The following WWC1 variants were observed in gnomAD, a reference collection of about 807,000 sequenced individuals.
WWC1 encodes WW and C2 domain containing 1, also known as protein KIBRA.
WWC1 carries 55 observed loss-of-function variants against 138.4 expected under a neutral mutation model. The observed-to-expected ratio is 0.40, with a 90% CI of 0.32 to 0.50. WWC1 has a LOEUF of 0.50. WWC1 is among the 20% of genes least tolerant of loss of function. The pLI is 0.72. For synonymous variants in WWC1, 524 were observed against 564.9 expected, an observed-to-expected ratio of 0.93 and a Z score of 1.03; for missense variants, 1,226 against 1,420.4, an observed-to-expected ratio of 0.86 and a Z score of 2.20.
intron 2 of WWC1, among the ~76,000 whole-genome samples, chr5:168,384,195 T>A (rs535950718): frequency 3.3e-5 from 5 of 152,194 alleles, no homozygotes; most frequent in Non-Finnish European, 7.3e-5. Flanking sequence ...GCAAGTTACT[T>A]AACCTCTCTA....
In WWC1 at chr5:168,343,971, C is replaced by T. The variant is rs781241636; in HGVS notation, c.120-27453C>T. Among the ~76,000 whole-genome samples, 7 of 152,134 alleles carry T rather than the reference C, an allele frequency of 4.6e-5. No homozygotes were observed. The East Asian group carries it at 5.8e-4, about 13-fold the overall frequency. On this transcript the variant is annotated intron_variant, in intron 1 of 22. Transcript: ENST00000265293. ...CTTAATAATTCACGTGCTTCCCCCT[C>T]GGCTCAGTTACACATTGGAGAACAC...
At chr5:168,442,811 C>G (rs182448100) in intron 16 of WWC1, among the ~76,000 whole-genome samples, 76 of 146,932 alleles carry the variant, frequency 5.2e-4, no homozygotes, top group African/African-American at 1.8e-3. Flanking sequence ...CACTCCAGCC[C>G]GGGCAGCAGA....
chr5:168,466,989 C>T (rs556929982), intron 21 of WWC1, among the ~76,000 whole-genome samples: 14 of 152,208 alleles, frequency 9.2e-5, no homozygotes, highest in South Asian at 2.1e-4. Context: ...AGGCCGGACG[C>T]GGTGGCTCAC....
chr5:168,319,976 T>C (rs1446981197), intron 1 of WWC1, among the ~76,000 whole-genome samples: 1 of 152,176 alleles, frequency 6.6e-6, no homozygotes, highest in African/African-American at 2.4e-5. Context: ...TGGTATTTCA[T>C]TGTGGTTTTG....
At chr5:168,374,743 T>C (rs1324698815) in intron 2 of WWC1, among the ~76,000 whole-genome samples, 1 of 152,160 alleles carries the variant, frequency 6.6e-6, no homozygotes, top group African/African-American at 2.4e-5. Context: ...ATGCTGAGAA[T>C]ACACCTTATT....
chr5:168,321,075 CTG>C (rs1772032612), intron 1 of WWC1, among the ~76,000 whole-genome samples: 1 of 152,202 alleles, frequency 6.6e-6, no homozygotes, highest in African/African-American at 2.4e-5. Flanking sequence ...CCCTGCATAA[CTG>C]TCCTCAGGCC....
At chr5:168,378,580 T>C (rs1777398783) in intron 2 of WWC1, among the ~76,000 whole-genome samples, 2 of 152,200 alleles carry the variant, frequency 1.3e-5, no homozygotes, top group Non-Finnish European at 2.9e-5. Flanking sequence ...TCCTGAAAAT[T>C]CATTTCCAAG....
intron 1 of WWC1, among the ~76,000 whole-genome samples, chr5:168,347,604 G>T (rs544718187): frequency 1.3e-4 from 20 of 152,154 alleles, no homozygotes; most frequent in Non-Finnish European, 2.2e-4. Context: ...GCCTCAACTG[G>T]GCACAGCGCT....
intron 2 of WWC1, among the ~76,000 whole-genome samples, chr5:168,384,822 A>G (rs1376395400): frequency 6.7e-6 from 1 of 150,308 alleles, no homozygotes; most frequent in Non-Finnish European, 1.5e-5. Context: ...GGTTCAAGCA[A>G]TTCCCCTGCC....
chr5:168,403,386 C>T lies in WWC1; in HGVS notation c.591-2812C>T, dbSNP rs76994561. Among the ~76,000 whole-genome samples, 7 of 152,212 alleles carry T rather than the reference C, an allele frequency of 4.6e-5. No homozygotes were observed. The East Asian group carries it at 1.2e-3, about 25-fold the overall frequency. On this transcript the variant is annotated intron_variant, in intron 5 of 22. Coordinates refer to ENST00000265293, the MANE Select transcript of WWC1 (RefSeq NM_015238.3). ...TGCTGGGATTACAGGTGTGAGCCAC[C>T]GTGCCCAGCCAGCTCTGTTGTTTTT...
chr5:168,457,626 C>T lies in WWC1; in HGVS notation c.2823+2106C>T, dbSNP rs558639723. ...CATCATAAGGCTATGGAACCAGCCT[C>T]AGAAATCAGGCAGGAGCAAGGAAGG... is the stretch of plus-strand genomic sequence containing the variant. On this transcript the variant is annotated intron_variant, in intron 19 of 22. Coordinates refer to ENST00000265293, the MANE Select transcript of WWC1 (RefSeq NM_015238.3). Among the ~76,000 whole-genome samples the T allele has an allele frequency of 5.3e-5, 8 of 152,336 alleles. No homozygotes were observed. The South Asian group carries it at 1.7e-3, about 32-fold the overall frequency.
chr5:168,361,585 G>A (rs1775883838), intron 1 of WWC1, among the ~76,000 whole-genome samples: 1 of 152,166 alleles, frequency 6.6e-6, no homozygotes. Flanking sequence ...GCCAAGCCCA[G>A]CACCAAGCTG....
chr5:168,401,425 C>T lies in WWC1; in HGVS notation c.590+1858C>T, dbSNP rs894571221. On this transcript the variant is annotated intron_variant, in intron 5 of 22. Coordinates refer to ENST00000265293, the MANE Select transcript of WWC1 (RefSeq NM_015238.3). ...TGACTGCTATACCTTTTCCTCATTCCATGAATTTCAAATCCACCCTCATCA... is the reference window on the plus strand; with the variant it reads ...TGACTGCTATACCTTTTCCTCATTCTATGAATTTCAAATCCACCCTCATCA... Among the ~76,000 whole-genome samples, 6 of 152,290 alleles carry T rather than the reference C, an allele frequency of 3.9e-5. No individual in the cohort carries two copies. The East Asian group carries it at 5.8e-4, about 15-fold the overall frequency.
At chr5:168,454,212 C>T in intron 18 of WWC1, 112 bp downstream of exon 18, 2 of 1,482,210 alleles carry the variant, frequency 1.3e-6, no homozygotes, top group Non-Finnish European at 9.1e-7. Context: ...AGCATCAGGG[C>T]ACAAGCCCTC....
chr5:168,416,893 A>G (rs1234321045), intron 9 of WWC1, among the ~76,000 whole-genome samples: 1 of 152,100 alleles, frequency 6.6e-6, no homozygotes, highest in East Asian at 1.9e-4. Context: ...TTCGAGATGG[A>G]GTCTTGCCTT....
Position 168,348,487 on chromosome 5 carries a change from C to G in WWC1, c.120-22937C>G, listed in dbSNP as rs534590035. On this transcript the variant is annotated intron_variant, in intron 1 of 22. Transcript: ENST00000265293. ...TTGTCCCTCTCCCTGAAGCATACCT[C>G]TCAAGAAGTTCCGGGGTGGGGTGGA... Among the ~76,000 whole-genome samples the G allele has an allele frequency of 1.6e-4, 24 of 152,330 alleles. No individual in the cohort carries two copies. The South Asian group carries it at 4.6e-3, about 29-fold the overall frequency.
At chr5:168,324,228 G>GT (rs1391088485) in intron 1 of WWC1, among the ~76,000 whole-genome samples, 2 of 152,208 alleles carry the variant, frequency 1.3e-5, no homozygotes, top group East Asian at 3.8e-4. Context: ...GACGTCAGGA[G>GT]TTTGAGACCA....
intron 2 of WWC1, among the ~76,000 whole-genome samples, chr5:168,384,858 C>G (rs549837486): frequency 6.6e-6 from 1 of 151,846 alleles, no homozygotes; most frequent in African/African-American, 2.4e-5. Context: ...GCTGGGATTA[C>G]AGGTGCCTGC....
In WWC1 at chr5:168,358,652, A is replaced by G. The variant is rs1775638762; in HGVS notation, c.120-12772A>G. ...TAAAATGGAGCTAATAATACTGTGTATAAGATTGTTTTAAATAAGCTAATA... is the reference window on the plus strand; with the variant it reads ...TAAAATGGAGCTAATAATACTGTGTGTAAGATTGTTTTAAATAAGCTAATA... On this transcript the variant is annotated intron_variant, in intron 1 of 22. Transcript: ENST00000265293. Among the ~76,000 whole-genome samples the G allele has an allele frequency of 2.0e-5, 3 of 152,206 alleles. No individual in the cohort carries two copies. In the South Asian group the frequency reaches 6.2e-4, roughly 32 times the overall value.
Sources: gnomAD v4.1 joint callset for allele counts (sites outside exome capture counted in the v4.1 genomes callset) on GRCh38, gnomAD v4.1.1 for gene constraint, MANE v1.5 for transcripts, NCBI Gene and HGNC (gene_info 2026-07-23, HGNC 2026-07-21) for gene names.